Variants in HPS4 observed in about 807,000 individuals in gnomAD.
HPS4 encodes the protein HPS4 biogenesis of lysosomal organelles complex 3 subunit 2.
Under a neutral mutation model 70.3 loss-of-function variants are expected in HPS4, and 44 were observed. The observed-to-expected ratio is 0.63, with a 90% confidence interval of 0.49 to 0.80. The LOEUF (loss-of-function observed/expected upper bound fraction) is 0.80, where lower values mean the gene tolerates loss of function less well. HPS4 is among the 30% of genes least tolerant of loss of function. The pLI is 0.00. For missense variants in HPS4, 873 were observed against 884.4 expected, an observed-to-expected ratio of 0.99 and a Z score of 0.16; for synonymous variants, 377 against 355.9, an observed-to-expected ratio of 1.06 and a Z score of -0.67.
At chr22:26,445,413 G>T (rs1348334552) in intron 3 of HPS4, among the ~76,000 whole-genome samples, 3 of 152,148 alleles carry the variant, frequency 2.0e-5, no homozygotes, top group Non-Finnish European at 4.4e-5. Context: ...GAGACAGGCG[G>T]GTCACTAGAA....
chr22:26,444,984 A>AAGAT (rs1275038401), intron 3 of HPS4: 1 of 152,206 alleles, frequency 6.6e-6, no homozygotes, highest in Non-Finnish European at 1.5e-5. Context: ...TGGGGAACAG[A>AAGAT]AGATAAATAA....
At chr22:26,478,842 C>T (rs1419031313) in intron 3 of HPS4, among the ~76,000 whole-genome samples, 2 of 152,014 alleles carry the variant, frequency 1.3e-5, no homozygotes, top group Non-Finnish European at 2.9e-5. Flanking sequence ...TGCCACCACG[C>T]CCAGCTAATT....
At position 26,458,474 on chromosome 22, in the gene HPS4, T is replaced by C. The variant is rs999611252; in HGVS notation, c.1817A>G (p.His606Arg). The C allele has an allele frequency of 3.1e-6, 5 of 1,614,062 alleles. No homozygotes were observed. Among genetic ancestry groups the C allele is most frequent in the Non-Finnish European group, 4.2e-6 (5 of 1,179,996 alleles). Residue 606 changes from histidine (H) to arginine (R), a missense_variant, in exon 12 of 14, where the codon CAT becomes CGT. His to Arg is a conservative substitution (Grantham distance 29). Transcript: ENST00000398145. ...CAGCAAGCTCTGAATGCGGTCGTAA[T>C]GTGTGAAGTTGTAGGTGCTGCTCGT... ...ASTSSTYNFT[H>R]YDRIQSLLMA...
intron 4 of HPS4, 187 bp downstream of exon 4, chr22:26,476,806 T>A (rs2090611097): frequency 1.6e-6 from 1 of 634,038 alleles, no homozygotes; most frequent in Admixed American, 2.5e-5. Context: ...ATGTTAGAAA[T>A]GTTTTGGAAA....
At chr22:26,444,176 A>G (rs1224538913), downstream of HPS4, 1 of 151,958 alleles carries the variant, frequency 6.6e-6, no homozygotes, top group Non-Finnish European at 1.5e-5. Flanking sequence ...CAAAACTGGA[A>G]TAATAGATCT....
rs2089657394 is a variant in HPS4, at chr22:26,470,725, T to C, written c.590A>G (p.Lys197Arg). ...PHILAGCILY[K>R]GLIVSTQLPP... is the part of the protein sequence containing the mutation. ...GGGGTCTGGAGTTACTCACAGTCCT[T>C]TATAGAGGATGCAGCCAGCGAGAAT... Residue 197 changes from lysine to arginine, a missense_variant, in exon 7 of 14, where the codon AAA becomes AGA. Physicochemically the swap from Lys to Arg is conservative, Grantham distance 26. Transcript: ENST00000398145. 1 of 1,613,652 alleles carries C rather than the reference T, an allele frequency of 6.2e-7. No individual in the cohort carries two copies. The highest frequency in any genetic ancestry group is 1.3e-5 in the African/African-American group (1 of 74,868).
At chr22:26,465,053 C>T (rs1039963659) in intron 10 of HPS4, among the ~76,000 whole-genome samples, 4 of 152,226 alleles carry the variant, frequency 2.6e-5, no homozygotes, top group Non-Finnish European at 5.9e-5. Context: ...TGGCAGAGCC[C>T]ACTGAATAAG....
chr22:26,452,257 A>C lies in HPS4; in HGVS notation c.*976T>G, dbSNP rs755148260. ...AGTACTTCCAGTAAACATTCAGTTA[A>C]GATTTTGACAAATATTTTCATCCTG... On this transcript the variant is annotated 3_prime_UTR_variant, in exon 14 of 14. Transcript: ENST00000398145. The C allele has an allele frequency of 4.7e-6, 2 of 428,142 alleles. No homozygotes were observed. The highest frequency in any genetic ancestry group is 3.4e-5 in the South Asian group (2 of 59,202). The allele number at this position is 428,142 out of a possible 1,614,324, so 26.5% of individuals were successfully genotyped here. A position where few individuals can be genotyped will look rare whatever the true frequency, so the allele number is the denominator to read the frequency against.
At chr22:26,480,947 C>T (rs752253951) in intron 2 of HPS4, among the ~76,000 whole-genome samples, 5 of 152,040 alleles carry the variant, frequency 3.3e-5, no homozygotes, top group African/African-American at 1.2e-4. Context: ...AATAAAGCAC[C>T]AACTTGGTCT....
chr22:26,476,126 C>T (rs984067841), intron 4 of HPS4: 7 of 151,990 alleles, frequency 4.6e-5, no homozygotes, highest in Non-Finnish European at 8.8e-5. Context: ...TAATAAAATG[C>T]TAACTGTAGA....
chr22:26,466,654 A>C, intron 8 of HPS4: 1 of 302,236 alleles, frequency 3.3e-6, no homozygotes, highest in East Asian at 7.5e-5. Context: ...AATTCACATA[A>C]ATTCCATTAT....
At chr22:26,459,753 C>T (rs967096144) in intron 11 of HPS4, among the ~76,000 whole-genome samples, 8 of 152,282 alleles carry the variant, frequency 5.3e-5, no homozygotes, top group South Asian at 4.1e-4. Context: ...GGGAACAGTA[C>T]GGGACTATTG....
At chr22:26,478,570 CAAAAAA>C (rs58708957) in intron 3 of HPS4, among the ~76,000 whole-genome samples, 1 of 111,244 alleles carries the variant, frequency 9.0e-6, no homozygotes, top group African/African-American at 3.6e-5. Flanking sequence ...GCCTCCATCA[CAAAAAA>C]AAAAAAAAAA....
intron 2 of HPS4, chr22:26,479,704 T>C (rs2091064684): frequency 9.1e-7 from 1 of 1,102,026 alleles, no homozygotes. Context: ...TTTAAGGCTC[T>C]GATAACAAAA....
Position 26,472,334 on chromosome 22 carries a change from A to G in HPS4, c.469T>C (p.Phe157Leu), listed in dbSNP as rs753375046. 3 of 1,612,910 alleles carry G rather than the reference A, an allele frequency of 1.9e-6. No homozygotes were observed. Among genetic ancestry groups the G allele is most frequent in the Admixed American group, 3.3e-5 (2 of 60,008 alleles). Residue 157 changes from phenylalanine (F) to leucine (L), a missense_variant, in exon 6 of 14, where the codon TTC (phenylalanine) becomes CTC (leucine). Phe to Leu is a conservative substitution (Grantham distance 22). Transcript: ENST00000398145. ...LKNTSDLHKI[F>L]NSLWNLDQTK... ...TGGTCCAAGTTCCAGAGGGAATTGA[A>G]AATCTTATGCAGATCACTGGTGTTT...
Position 26,483,739 on chromosome 22 carries a change from G to A in HPS4, c.-544C>T. On this transcript the variant is annotated 5_prime_UTR_variant, in exon 1 of 14. Transcript: ENST00000398145. Reference sequence around the variant, plus strand: ...TGGACCAGAAATGTGGGCAGCAGCTGGGTACCTGCGACTTCTGCCCCGTAC... The same window carrying A: ...TGGACCAGAAATGTGGGCAGCAGCTAGGTACCTGCGACTTCTGCCCCGTAC... The A allele has an allele frequency of 2.2e-6, 1 of 461,982 alleles. No homozygotes were observed. The highest frequency in any genetic ancestry group is 2.0e-5 in the African/African-American group (1 of 48,826). 28.6% of individuals were successfully genotyped at this position (461,982 alleles called of 1,614,324 possible).
chr22:26,458,235 C>T (rs964074507), intron 12 of HPS4, among the ~76,000 whole-genome samples: 2 of 152,244 alleles, frequency 1.3e-5, no homozygotes, highest in African/African-American at 4.8e-5. Flanking sequence ...CACTGGGAAA[C>T]GCCAAAAACA....
chr22:26,447,608 C>T (rs2084997501), downstream of HPS4, among the ~76,000 whole-genome samples: 3 of 152,072 alleles, frequency 2.0e-5, no homozygotes, highest in African/African-American at 7.2e-5. Context: ...TTTTTGAGGA[C>T]CGTCATGCCT....
chr22:26,459,466 C>T (rs900607500), intron 11 of HPS4, among the ~76,000 whole-genome samples: 2 of 152,152 alleles, frequency 1.3e-5, no homozygotes, highest in Non-Finnish European at 2.9e-5. Context: ...CTGCTTTTCT[C>T]GTCTTTAAAT....
Sources: allele counts gnomAD v4.1 joint callset (sites outside exome capture counted in the v4.1 genomes callset), GRCh38; gene constraint gnomAD v4.1.1; transcripts MANE v1.5; gene names NCBI Gene and HGNC (gene_info 2026-07-23, HGNC 2026-07-21).